Variants in DYNC1I1 observed in about 807,000 individuals in gnomAD.
DYNC1I1 encodes dynein cytoplasmic 1 intermediate chain 1, also known as cytoplasmic dynein 1 intermediate chain 1.
In DYNC1I1, 43 loss-of-function variants were observed where a neutral mutation model predicts 86.6. The observed-to-expected ratio is 0.50, with a 90% CI of 0.39 to 0.64. DYNC1I1 has a LOEUF of 0.64. DYNC1I1 is among the 30% of genes least tolerant of loss of function. DYNC1I1 has a pLI of 0.00. For synonymous variants in DYNC1I1, 262 were observed against 283.7 expected (o/e 0.92, Z 0.77); for missense variants, 604 against 788.8 (o/e 0.77, Z 2.81).
At chr7:95,794,683 G>A (rs1794392501) in intron 1 of DYNC1I1, among the ~76,000 whole-genome samples, 1 of 152,074 alleles carries the variant, frequency 6.6e-6, no homozygotes, top group African/African-American at 2.4e-5. Context: ...TGCTGCAATT[G>A]CCAATGCTCA....
Position 95,954,273 on chromosome 7 carries a change from T to C in DYNC1I1, c.491-23239T>C, listed in dbSNP as rs539499622. 6.0e-5 allele frequency among the ~76,000 whole-genome samples: 9 copies of C among 150,920 alleles called. No individual in the cohort carries two copies. The East Asian group carries it at 1.7e-3, about 29-fold the overall frequency. ...AATTAGCTAGATCCACACTATCTAG[T>C]ATGGGAGCCACTGGCCACATGAGGC... On this transcript the variant is annotated intron_variant, in intron 6 of 16. Transcript: ENST00000447467.
intron 5 of DYNC1I1, among the ~76,000 whole-genome samples, chr7:95,846,621 CTCTCTCTGTGTGTGTG>C (rs754988250): frequency 0.015 from 1,813 of 120,368 alleles, 24 homozygotes; most frequent in African/African-American, 0.057. Context: ...TGATAAATCT[CTCTCTCTGTGTGTGTG>C]TGTGTGTGTG....
At chr7:96,009,937 AC>A (rs1794233671) in intron 10 of DYNC1I1, among the ~76,000 whole-genome samples, 2 of 151,482 alleles carry the variant, frequency 1.3e-5, no homozygotes, top group Admixed American at 6.6e-5. Context: ...GAGCCACCAC[AC>A]CCGGCAAATT....
chr7:96,038,023 G>C (rs1788915705), intron 13 of DYNC1I1, among the ~76,000 whole-genome samples: 1 of 152,126 alleles, frequency 6.6e-6, no homozygotes, highest in Non-Finnish European at 1.5e-5. Context: ...ATGCTGTTAA[G>C]AGCAAGTGGA....
At chr7:95,888,070 T>G (rs577013630) in intron 6 of DYNC1I1, among the ~76,000 whole-genome samples, 1 of 152,330 alleles carries the variant, frequency 6.6e-6, no homozygotes, top group South Asian at 2.1e-4. Context: ...AATGCCTTCA[T>G]GAAAATGTTA....
At chr7:96,061,712 T>TCACACACACACACA (rs147547424) in intron 14 of DYNC1I1, among the ~76,000 whole-genome samples, 11 of 136,814 alleles carry the variant, frequency 8.0e-5, no homozygotes, top group African/African-American at 2.8e-4. Context: ...TCTCTCTCTC[T>TCACACACACACACA]CACACACACA....
intron 5 of DYNC1I1, among the ~76,000 whole-genome samples, chr7:95,836,197 G>T (rs1437390690): frequency 2.0e-5 from 3 of 151,934 alleles, no homozygotes; most frequent in African/African-American, 7.2e-5. Context: ...GCATTTGCTT[G>T]TCTGTAAAGT....
At chr7:95,951,819 T>C (rs1410943580) in intron 6 of DYNC1I1, among the ~76,000 whole-genome samples, 4 of 152,202 alleles carry the variant, frequency 2.6e-5, no homozygotes, top group Non-Finnish European at 5.9e-5. Flanking sequence ...GCTTCTTACC[T>C]TGGAGACTTC....
At chr7:95,773,998 G>A (rs1793775693) in intron 1 of DYNC1I1, among the ~76,000 whole-genome samples, 1 of 152,114 alleles carries the variant, frequency 6.6e-6, no homozygotes, top group African/African-American at 2.4e-5. Flanking sequence ...TGTTCAAAAA[G>A]GTTTGGTGTG....
At chr7:95,812,249 A>G (rs1038328635) in intron 3 of DYNC1I1, among the ~76,000 whole-genome samples, 13 of 152,178 alleles carry the variant, frequency 8.5e-5, no homozygotes, top group South Asian at 2.1e-4. Context: ...ATGGGAATCT[A>G]CATTTACGTA....
intron 6 of DYNC1I1, among the ~76,000 whole-genome samples, chr7:95,927,906 C>G (rs1791787361): frequency 6.6e-6 from 1 of 152,178 alleles, no homozygotes; most frequent in South Asian, 2.1e-4. Context: ...CTTCACCAAA[C>G]CACCGCATAA....
At chr7:96,086,570 A>G (rs2116295805) in intron 16 of DYNC1I1, among the ~76,000 whole-genome samples, 1 of 152,318 alleles carries the variant, frequency 6.6e-6, no homozygotes, top group African/African-American at 2.4e-5. Flanking sequence ...TTGAACTCTG[A>G]ACTTTGATAG....
At chr7:95,895,999 A>G (rs947129663) in intron 6 of DYNC1I1, among the ~76,000 whole-genome samples, 6 of 152,196 alleles carry the variant, frequency 3.9e-5, no homozygotes, top group Non-Finnish European at 5.9e-5. Context: ...TAGGGCAGTT[A>G]TCTGAGAGAA....
At chr7:95,851,785 C>T (rs531918223) in intron 5 of DYNC1I1, among the ~76,000 whole-genome samples, 17 of 152,284 alleles carry the variant, frequency 1.1e-4, no homozygotes, top group Middle Eastern at 3.4e-3. Flanking sequence ...CTGCCTCAGC[C>T]TCCCAACTAG....
chr7:96,090,878 A>G (rs1390232280), intron 16 of DYNC1I1, among the ~76,000 whole-genome samples: 3 of 152,208 alleles, frequency 2.0e-5, no homozygotes, highest in Non-Finnish European at 4.4e-5. Flanking sequence ...TGTATATTGC[A>G]TTCTAACTTG....
chr7:96,096,253 G>A (rs1791002171), intron 16 of DYNC1I1, among the ~76,000 whole-genome samples: 1 of 151,982 alleles, frequency 6.6e-6, no homozygotes, highest in African/African-American at 2.4e-5. Flanking sequence ...ATTTGGCTCT[G>A]TGTGGTGGGA....
intron 6 of DYNC1I1, among the ~76,000 whole-genome samples, chr7:95,918,971 C>G (rs1045903568): frequency 6.6e-6 from 1 of 152,072 alleles, no homozygotes; most frequent in African/African-American, 2.4e-5. Context: ...GTTTTAGGAA[C>G]TGTTTTTTAC....
chr7:95,870,134 C>A, intron 6 of DYNC1I1, 136 bp downstream of exon 6: 1 of 736,540 alleles, frequency 1.4e-6, no homozygotes, highest in Non-Finnish European at 2.1e-6. Flanking sequence ...AAGCCAAAGC[C>A]TCTTCTGAGT....
At chr7:96,042,302 G>C (rs916215917) in intron 14 of DYNC1I1, among the ~76,000 whole-genome samples, 3 of 152,010 alleles carry the variant, frequency 2.0e-5, no homozygotes, top group Admixed American at 1.3e-4. Context: ...AATCTGAGTG[G>C]GAAGTATACT....
Sources: gnomAD v4.1 joint callset for allele counts (sites outside exome capture counted in the v4.1 genomes callset) on GRCh38, gnomAD v4.1.1 for gene constraint, MANE v1.5 for transcripts, NCBI Gene and HGNC (gene_info 2026-07-23, HGNC 2026-07-21) for gene names.